VIPR2: variants seen among roughly 807,000 people sequenced by gnomAD.
VIPR2 encodes vasoactive intestinal polypeptide receptor 2.
A neutral mutation model predicts 58.0 loss-of-function variants in VIPR2; 48 were observed. The ratio of observed to expected loss-of-function variants is 0.83; its 90% CI spans 0.66 to 1.05. The LOEUF (loss-of-function observed/expected upper bound fraction) is 1.05. Among genes scored for constraint, VIPR2 ranks in the 50% least tolerant of loss-of-function variants. VIPR2 has a pLI of 0.00. For missense variants in VIPR2, 534 were observed against 558.0 expected, an observed-to-expected ratio of 0.96 and a Z score of 0.43; for synonymous variants, 243 against 235.2, an observed-to-expected ratio of 1.03 and a Z score of -0.30.
intron 4 of VIPR2, among the ~76,000 whole-genome samples, chr7:159,094,318 A>T (rs1857692523): frequency 6.6e-6 from 1 of 152,196 alleles, no homozygotes; most frequent in Non-Finnish European, 1.5e-5. Context: ...GACATCATTT[A>T]GACACAGGCC....
Position 159,098,756 on chromosome 7 carries a change from G to A in VIPR2, c.357+5001C>T, listed in dbSNP as rs545175991. ...TCTGTGGAGGCTAATTTTTTTTCTCGAATTTAATTAATTTCGAAAACAATA... is the reference window on the plus strand; with the variant it reads ...TCTGTGGAGGCTAATTTTTTTTCTCAAATTTAATTAATTTCGAAAACAATA... On this transcript the variant is annotated intron_variant, in intron 4 of 12. Coordinates refer to ENST00000262178, the MANE Select transcript of VIPR2 (RefSeq NM_003382.5). This position sits in a 1 kb window ranked among gnomAD's most constrained non-coding sequence, Gnocchi z 5.2. Among the ~76,000 whole-genome samples the A allele has an allele frequency of 9.2e-5, 14 of 152,180 alleles. No individual in the cohort carries two copies. Among genetic ancestry groups the A allele is most frequent in the African/African-American group, 2.7e-4 (11 of 41,504 alleles).
rs180974721 is a variant in VIPR2, at chr7:159,087,535, A to G, written c.357+16222T>C. 6.8e-5 allele frequency among the ~76,000 whole-genome samples: 9 copies of G among 132,426 alleles called. 1 individual carries two copies. Among genetic ancestry groups the G allele is most frequent in the African/African-American group, 2.5e-4 (9 of 35,884 alleles). The allele number at this position is 132,426 out of a possible 152,430, so 86.9% of individuals were successfully genotyped here. On this transcript the variant is annotated intron_variant, in intron 4 of 12. Transcript: ENST00000262178. ...ATAGTGAGATACAGCTTCCCCAACAAACAATACCCAGGACTCGGATAGTGA... is the reference window on the plus strand; with the variant it reads ...ATAGTGAGATACAGCTTCCCCAACAGACAATACCCAGGACTCGGATAGTGA...
chr7:159,063,774 T>TCCTGGTGGGGTCTGGGGGG (rs1563288543), intron 4 of VIPR2, among the ~76,000 whole-genome samples: 1 of 80,462 alleles, frequency 1.2e-5, no homozygotes, highest in Non-Finnish European at 2.3e-5. Context: ...GGTCTGGGAG[T>TCCTGGTGGGGTCTGGGGGG]CCAGGTGGGG....
rs964557813 is a variant in VIPR2, at chr7:159,097,470, G to A, written c.357+6287C>T. Among the ~76,000 whole-genome samples, 6 of 152,060 alleles carry A rather than the reference G, an allele frequency of 3.9e-5. No homozygotes were observed. Among genetic ancestry groups the A allele is most frequent in the Non-Finnish European group, 8.8e-5 (6 of 68,010 alleles). The stretch of plus-strand genomic sequence containing the variant: ...TGCTGCTGAGGCCATTCCCGGGAAC[G>A]CCACACTCCGCCCTGGCCACCTCCA... On this transcript the variant is annotated intron_variant, in intron 4 of 12. Coordinates refer to ENST00000262178, the MANE Select transcript of VIPR2 (RefSeq NM_003382.5). This position sits in a 1 kb window ranked among gnomAD's most constrained non-coding sequence, Gnocchi z 5.3.
intron 2 of VIPR2, among the ~76,000 whole-genome samples, chr7:159,114,199 CTTTGGGAGAGGCAGCGAA>C (rs1422959393): frequency 6.6e-6 from 1 of 151,788 alleles, no homozygotes; most frequent in Admixed American, 6.6e-5. Context: ...ACAGTGAACC[CTTTGGGAGAGGCAGCGAA>C]TTTGGGAGAG....
chr7:159,082,805 GACAA>G (rs931241775), intron 4 of VIPR2, among the ~76,000 whole-genome samples: 23 of 151,376 alleles, frequency 1.5e-4, no homozygotes, highest in African/African-American at 4.4e-4. Flanking sequence ...CAGGCAGACA[GACAA>G]ACAGACAGAT....
At chr7:159,144,527 G>GTCC (rs2129498832) in intron 1 of VIPR2, 194 bp downstream of exon 1, 1 of 1,520,664 alleles carries the variant, frequency 6.6e-7, no homozygotes, top group Non-Finnish European at 8.9e-7. Flanking sequence ...CCGCAACCCG[G>GTCC]CGGGACCGGA....
intron 2 of VIPR2, chr7:159,117,287 T>TA (rs1796272607): frequency 1.4e-6 from 1 of 717,294 alleles, no homozygotes; most frequent in Non-Finnish European, 2.6e-6. Context: ...TCCTGTGACT[T>TA]AATTTCTCAA....
At chr7:159,079,891 C>A (rs1230221389) in intron 4 of VIPR2, among the ~76,000 whole-genome samples, 5 of 152,220 alleles carry the variant, frequency 3.3e-5, no homozygotes, top group Admixed American at 2.0e-4. Flanking sequence ...TTCCTCAACA[C>A]ATACACTCTC....
chr7:159,030,750 G>A lies in VIPR2; in HGVS notation c.1183C>T (p.Pro395Ser). The change falls in exon 13 of 13, where the codon CCG becomes TCG. Residue 395 changes from proline to serine, a missense_variant. By Grantham distance (74) the Pro-to-Ser change is moderately conservative. Around this residue, in one of 3 missense-constraint regions of VIPR2, gnomAD observed 306 missense variants for 285.8 expected, o/e 1.07. Coordinates refer to ENST00000262178, the MANE Select transcript of VIPR2 (RefSeq NM_003382.5). ...ELKRKWRSRC[P>S]TPSASRDYRV... is the part of the protein sequence containing the mutation. Reference sequence around the variant, plus strand: ...TAATCCCGGCTCGCGGACGGGGTCGGGCACCGGCTTCGCCATTTTCGCTTC... The same window carrying A: ...TAATCCCGGCTCGCGGACGGGGTCGAGCACCGGCTTCGCCATTTTCGCTTC... 1 of 1,590,798 alleles carries A rather than the reference G, an allele frequency of 6.3e-7. No individual in the cohort carries two copies. Among genetic ancestry groups the A allele is most frequent in the Non-Finnish European group, 8.5e-7 (1 of 1,170,530 alleles).
At chr7:159,036,289 AAGG>A (rs774963689) in intron 7 of VIPR2, among the ~76,000 whole-genome samples, 15 of 152,046 alleles carry the variant, frequency 9.9e-5, no homozygotes, top group Non-Finnish European at 1.5e-4. Context: ...ACGTGCGGAG[AAGG>A]AGATGTGTTC....
intron 2 of VIPR2, 95 bp downstream of exon 2, chr7:159,142,351 A>G: frequency 1.5e-6 from 1 of 671,090 alleles, no homozygotes. Flanking sequence ...TTTTTTTTTT[A>G]AGATGCAGGT....
In VIPR2 at chr7:159,055,214, GTTCCT is replaced by G. The variant is rs1164235589; in HGVS notation, c.455+3262_455+3266del. On this transcript the variant is annotated intron_variant, in intron 5 of 12. Transcript: ENST00000262178. ...GAGTGAAAGAACCCAGAGACCAGGA[GTTCCT>G]TTTGCATGATTCCGAGGTAACGTTT... Among the ~76,000 whole-genome samples the G allele has an allele frequency of 2.6e-5, 4 of 152,296 alleles. 1 individual carries two copies. The highest frequency in any genetic ancestry group is 2.6e-4 in the Admixed American group (4 of 15,302).
chr7:159,033,687 C>T (rs1853728463), intron 10 of VIPR2, among the ~76,000 whole-genome samples: 1 of 152,070 alleles, frequency 6.6e-6, no homozygotes, highest in African/African-American at 2.4e-5. Flanking sequence ...TTATTAAGTA[C>T]AAGGCCTGGT....
chr7:159,123,704 G>A (rs1377366864), intron 2 of VIPR2, among the ~76,000 whole-genome samples: 3 of 152,170 alleles, frequency 2.0e-5, no homozygotes, highest in Non-Finnish European at 4.4e-5. Context: ...TGGTAGTTCT[G>A]TTTTTATGTC....
chr7:159,143,322 G>A (rs1244910576), intron 1 of VIPR2, among the ~76,000 whole-genome samples: 56 of 152,202 alleles, frequency 3.7e-4, no homozygotes, highest in Non-Finnish European at 4.4e-5. Flanking sequence ...GGCCCTTGGG[G>A]GCTTAAGGAG....
chr7:159,124,649 T>C (rs976906036), intron 2 of VIPR2, among the ~76,000 whole-genome samples: 1 of 152,170 alleles, frequency 6.6e-6, no homozygotes, highest in African/African-American at 2.4e-5. Context: ...TCCATATGAA[T>C]TTTAAAATAG....
At chr7:159,067,231 C>T (rs1454051765) in intron 4 of VIPR2, among the ~76,000 whole-genome samples, 1 of 152,210 alleles carries the variant, frequency 6.6e-6, no homozygotes, top group Non-Finnish European at 1.5e-5. Context: ...TGTTAATCAA[C>T]ATTTGCATGT....
intron 4 of VIPR2, among the ~76,000 whole-genome samples, chr7:159,065,123 C>T (rs1332175940): frequency 6.6e-6 from 1 of 152,210 alleles, no homozygotes; most frequent in African/African-American, 2.4e-5. Context: ...TCTTGGCTCT[C>T]CTAAAGGCTT....
Sources: allele counts gnomAD v4.1 joint callset (sites outside exome capture counted in the v4.1 genomes callset), GRCh38; gene constraint gnomAD v4.1.1; regional missense constraint gnomAD v4.1.1; non-coding constraint Gnocchi (gnomAD v3.1); transcripts MANE v1.5; gene names NCBI Gene and HGNC (gene_info 2026-07-23, HGNC 2026-07-21).